SPMIP7: variants seen among roughly 807,000 people sequenced by gnomAD.
SPMIP7 encodes sperm microtubule inner protein 7.
chr7:50,129,629 G>A, the SPMIP7 span: 1 of 894,406 alleles, frequency 1.1e-6, no homozygotes, highest in Admixed American at 2.4e-5. Flanking sequence ...GAAGAAAAAG[G>A]AATCCAAAAG....
chr7:50,100,947 A>T, the SPMIP7 span, among the ~76,000 whole-genome samples: 1 of 152,044 alleles, frequency 6.6e-6, no homozygotes, highest in Non-Finnish European at 1.5e-5. Flanking sequence ...ATTTCTATAT[A>T]TCTGTTTATT....
chr7:50,104,825 C>T, the SPMIP7 span, among the ~76,000 whole-genome samples: 1 of 152,168 alleles, frequency 6.6e-6, no homozygotes, highest in Non-Finnish European at 1.5e-5. Flanking sequence ...CGGATTAATG[C>T]TACTCTCCAG....
the SPMIP7 span, among the ~76,000 whole-genome samples, chr7:50,132,355 C>A: frequency 6.6e-6 from 1 of 152,028 alleles, no homozygotes; most frequent in Non-Finnish European, 1.5e-5. Flanking sequence ...CCATTGTATT[C>A]TTATCTTGAT....
chr7:50,104,430 TG>T, the SPMIP7 span: 1 of 1,209,022 alleles, frequency 8.3e-7, no homozygotes, highest in Non-Finnish European at 1.2e-6. Flanking sequence ...TTCTTCTGGG[TG>T]GTGTTATATA....
the SPMIP7 span, among the ~76,000 whole-genome samples, chr7:50,158,160 C>A: frequency 6.6e-6 from 1 of 151,514 alleles, no homozygotes; most frequent in Admixed American, 6.6e-5. Context: ...GGCCCAGGAC[C>A]CCCACCCATG....
chr7:50,107,396 G>GAAAAA, the SPMIP7 span, among the ~76,000 whole-genome samples: 2 of 53,410 alleles, frequency 3.7e-5, no homozygotes, highest in African/African-American at 7.3e-5. Flanking sequence ...GAAAAGAAAA[G>GAAAAA]AAAAAGAAAA....
chr7:50,145,831 G>GT, the SPMIP7 span, among the ~76,000 whole-genome samples: 1 of 151,076 alleles, frequency 6.6e-6, no homozygotes, highest in East Asian at 2.0e-4. Flanking sequence ...CCATTTGCTT[G>GT]TTTTTCCAAA....
At chr7:50,117,952 C>T in the SPMIP7 span, among the ~76,000 whole-genome samples, 5 of 152,294 alleles carry the variant, frequency 3.3e-5, no homozygotes, top group South Asian at 2.1e-4. Flanking sequence ...CTTATCATCA[C>T]GAACTGCCAT....
chr7:50,141,220 A>C, the SPMIP7 span: 1 of 1,151,838 alleles, frequency 8.7e-7, no homozygotes, highest in Non-Finnish European at 1.3e-6. Context: ...ATACTGTTCA[A>C]TGGTTTCTTC....
chr7:50,148,223 A>G, the SPMIP7 span, among the ~76,000 whole-genome samples: 1 of 152,226 alleles, frequency 6.6e-6, no homozygotes, highest in African/African-American at 2.4e-5. Context: ...TTGGCAATTT[A>G]TTATGCAACT....
chr7:50,118,476 T>C, the SPMIP7 span, among the ~76,000 whole-genome samples: 1 of 152,252 alleles, frequency 6.6e-6, no homozygotes, highest in Non-Finnish European at 1.5e-5. Context: ...TACCGGACTT[T>C]ATTCAATTGT....
chr7:50,140,974 C>T, the SPMIP7 span, among the ~76,000 whole-genome samples: 4 of 152,224 alleles, frequency 2.6e-5, no homozygotes, highest in Non-Finnish European at 5.9e-5. Flanking sequence ...AGCCGGTCTC[C>T]AAAGGAGTTG....
the SPMIP7 span, among the ~76,000 whole-genome samples, chr7:50,133,955 T>A: frequency 6.6e-6 from 1 of 152,116 alleles, no homozygotes; most frequent in African/African-American, 2.4e-5. Flanking sequence ...CTCTGCCTAC[T>A]GTCCAGGGGA....
At chr7:50,138,446 C>T in the SPMIP7 span, among the ~76,000 whole-genome samples, 54 of 152,294 alleles carry the variant, frequency 3.5e-4, no homozygotes, top group South Asian at 4.1e-4. Flanking sequence ...ACATCACATA[C>T]GAAAAACACA....
chr7:50,144,745 C>T, the SPMIP7 span, among the ~76,000 whole-genome samples: 1 of 152,122 alleles, frequency 6.6e-6, no homozygotes, highest in African/African-American at 2.4e-5. Flanking sequence ...CTTATTATAA[C>T]TTGAGACTAG....
the SPMIP7 span, among the ~76,000 whole-genome samples, chr7:50,099,168 C>A: frequency 6.6e-6 from 1 of 152,212 alleles, no homozygotes; most frequent in African/African-American, 2.4e-5. Flanking sequence ...AGTATATGTC[C>A]AAAACTTCTG....
chr7:50,131,161 T>C, the SPMIP7 span, among the ~76,000 whole-genome samples: 1 of 152,148 alleles, frequency 6.6e-6, no homozygotes, highest in Non-Finnish European at 1.5e-5. Flanking sequence ...GAGATAATGG[T>C]AGCTTGGGGG....
chr7:50,095,993 T>C, the SPMIP7 span: 1 of 825,574 alleles, frequency 1.2e-6, no homozygotes, highest in Non-Finnish European at 1.8e-6. Flanking sequence ...TTAACACAGA[T>C]CTTTAGTTAT....
At chr7:50,107,396 G>GAAAAAAAAAAAAAAA in the SPMIP7 span, among the ~76,000 whole-genome samples, 1 of 53,414 alleles carries the variant, frequency 1.9e-5, no homozygotes, top group African/African-American at 7.3e-5. Context: ...GAAAAGAAAA[G>GAAAAAAAAAAAAAAA]AAAAAGAAAA....
Sources: allele counts gnomAD v4.1 joint callset (sites outside exome capture counted in the v4.1 genomes callset), GRCh38; gene constraint gnomAD v4.1.1; transcripts MANE v1.5; gene names NCBI Gene and HGNC (gene_info 2026-07-23, HGNC 2026-07-21).